The following B4GALNT4 variants were observed in gnomAD, a reference collection of about 807,000 sequenced individuals.
The protein encoded by B4GALNT4 is N-acetyl-beta-glucosaminyl-glycoprotein 4-beta-N-acetylgalactosaminyltransferase 1.
A neutral mutation model predicts 110.0 loss-of-function variants in B4GALNT4; 77 were observed. That is an observed-to-expected ratio of 0.70 (90% CI 0.58 to 0.85). The LOEUF is 0.85. Among genes scored for constraint, B4GALNT4 ranks in the 40% least tolerant of loss-of-function variants. The probability of loss-of-function intolerance (pLI) is 0.00; values close to 1 mark genes in which losing one functional copy is unlikely to be tolerated. For missense variants in B4GALNT4, 1,575 were observed against 1,506.0 expected, an observed-to-expected ratio of 1.05 and a Z score of -0.76; for synonymous variants, 785 against 655.5, an observed-to-expected ratio of 1.20 and a Z score of -3.02.
Position 376,325 on chromosome 11 carries a change from G to T in B4GALNT4, c.1271G>T (p.Arg424Leu), listed in dbSNP as rs768215487. The T allele has an allele frequency of 6.2e-7, 1 of 1,609,532 alleles. No homozygotes were observed. The highest frequency in any genetic ancestry group is 1.1e-5 in the South Asian group (1 of 90,886). The stretch of plus-strand genomic sequence containing the variant: ...GATGAAGAAGACGAGGTGCAGCGCC[G>T]AGCCTTCCTCTTCCTCAACCCGGAC... ...DEDEEDEVQR[R>L]AFLFLNPDDF... Residue 424 changes from arginine (R) to leucine (L), a missense_variant, in exon 13 of 20, where the codon CGA (arginine) becomes CTA (leucine). Coordinates refer to ENST00000329962, the MANE Select transcript of B4GALNT4 (RefSeq NM_178537.5).
At position 373,412 on chromosome 11, in the gene B4GALNT4, C is replaced by T. The variant is rs777384279; in HGVS notation, c.637-37C>T. 3.7e-6 allele frequency: 4 copies of T among 1,067,522 alleles called. 1 individual carries two copies. Among genetic ancestry groups the T allele is most frequent in the Admixed American group, 1.9e-5 (1 of 53,580 alleles). The allele number at this position is 1,067,522 out of a possible 1,614,324, so 66.1% of individuals were successfully genotyped here. A position where few individuals can be genotyped will look rare whatever the true frequency, so the allele number is the denominator to read the frequency against. ...GTGTCCCCAGGGAGAGAGTGAACCC[C>T]CCCCCCCACCACCACCCCTGCTCTA... On this transcript the variant is annotated intron_variant, in intron 6 of 19. Coordinates refer to ENST00000329962, the MANE Select transcript of B4GALNT4 (RefSeq NM_178537.5).
chr11:370,005 G>GCGCGGGGGGCGCGGGCGGCGCGGGGT lies in B4GALNT4; in HGVS notation c.151+76_151+77insTCGCGGGGGGCGCGGGCGGCGCGGGG, dbSNP rs1846584178. ...GCGGGGGGCGGGGGCGGCGCGGGGG[G>GCGCGGGGGGCGCGGGCGGCGCGGGGT]CGCGGGGGGCGCGGGCGGCGCGGGG... On this transcript the variant is annotated intron_variant, in intron 1 of 19. Transcript: ENST00000329962. 4 of 137,242 alleles carry GCGCGGGGGGCGCGGGCGGCGCGGGGT rather than the reference G, an allele frequency of 2.9e-5. 1 individual carries two copies. Among genetic ancestry groups the GCGCGGGGGGCGCGGGCGGCGCGGGGT allele is most frequent in the Non-Finnish European group, 5.2e-5 (4 of 76,272 alleles). The allele number at this position is 137,242 out of a possible 1,614,324, so 8.5% of individuals were successfully genotyped here.
chr11:379,735 C>T (rs1439630623), intron 15 of B4GALNT4, 34 bp downstream of exon 15: 1 of 1,501,346 alleles, frequency 6.7e-7, no homozygotes, highest in Non-Finnish European at 8.9e-7. Context: ...TCCGGGAGAC[C>T]TCGTGGAAGG....
chr11:380,907 G>A lies in B4GALNT4; in HGVS notation c.2952G>A (p.Glu984=), dbSNP rs1167405241. 1 of 1,613,578 alleles carries A rather than the reference G, an allele frequency of 6.2e-7. No homozygotes were observed. The highest frequency in any genetic ancestry group is 8.5e-7 in the Non-Finnish European group (1 of 1,179,830). The stretch of plus-strand genomic sequence containing the variant: ...GGGTTGGAGGAATGAACACGGAGGA[G>A]TTCCGAGACCAGTGGGGGGGTGAAG... ...FDRVGGMNTE[E]FRDQWGGEDW... Residue 984 remains glutamate, a synonymous_variant, in exon 19 of 20, where the codon GAG becomes GAA. Coordinates refer to ENST00000329962, the MANE Select transcript of B4GALNT4 (RefSeq NM_178537.5).
rs1475431491 is a variant in B4GALNT4 at position 376,705 on chromosome 11, A to C, written c.1582A>C (p.Thr528Pro). 1.9e-5 allele frequency: 27 copies of C among 1,416,778 alleles called. No individual in the cohort carries two copies. The highest frequency in any genetic ancestry group is 2.0e-5 in the Non-Finnish European group (22 of 1,091,052). 87.8% of individuals were successfully genotyped at this position (1,416,778 alleles called of 1,614,324 possible). A position where few individuals can be genotyped will look rare whatever the true frequency, so the allele number is the denominator to read the frequency against. Reference sequence around the variant, plus strand: ...GCAGCCGCCCCCAAAGGTGTACGTGACCAGGGTGCGGCCGGGACAGCGGGC... The same window carrying C: ...GCAGCCGCCCCCAAAGGTGTACGTGCCCAGGGTGCGGCCGGGACAGCGGGC... Reference protein sequence around the residue: ...VEQPPPKVYVTRVRPGQRASP... With the variant: ...VEQPPPKVYVPRVRPGQRASP... The change falls in exon 14 of 20, where the codon ACC (threonine) becomes CCC (proline). Residue 528 changes from threonine to proline, a missense_variant. By Grantham distance (38) the Thr-to-Pro change is conservative. Transcript: ENST00000329962.
At chr11:373,340 T>G (rs1405595154) in intron 6 of B4GALNT4, 49 bp downstream of exon 6, 1 of 1,583,858 alleles carries the variant, frequency 6.3e-7, no homozygotes, top group African/African-American at 1.4e-5. Context: ...TGCAGCTCAG[T>G]CACCTGTGCC....
At chr11:380,989 C>A in intron 19 of B4GALNT4, 38 bp downstream of exon 19, 1 of 1,593,904 alleles carries the variant, frequency 6.3e-7, no homozygotes. Context: ...GACACCCTGA[C>A]CCCTGCGTCC....
rs1590343531 is a variant in B4GALNT4, at chr11:379,990, G to C, written c.2613G>C (p.Glu871Asp). 3 of 1,612,966 alleles carry C rather than the reference G, an allele frequency of 1.9e-6. No homozygotes were observed. The highest frequency in any genetic ancestry group is 1.7e-6 in the Non-Finnish European group (2 of 1,179,806). ...TCGAGAGCGAGGATATGGACGTGGAGCGGGCCCTGCGCGCCGCGCGCCTGC... is the reference window on the plus strand; with the variant it reads ...TCGAGAGCGAGGATATGGACGTGGACCGGGCCCTGCGCGCCGCGCGCCTGC... ...VDFESEDMDV[E>D]RALRAARLPR... The change falls in exon 16 of 20, where the codon GAG (glutamate) becomes GAC (aspartate). Residue 871 changes from glutamate (E) to aspartate (D), a missense_variant. Physicochemically the swap from Glu to Asp is conservative, Grantham distance 45 (BLOSUM62 2). Coordinates refer to ENST00000329962, the MANE Select transcript of B4GALNT4 (RefSeq NM_178537.5).
In B4GALNT4 at chr11:381,946, C is replaced by G. The variant is rs111906788; in HGVS notation, c.*154C>G. On this transcript the variant is annotated 3_prime_UTR_variant, in exon 20 of 20. Coordinates refer to ENST00000329962, the MANE Select transcript of B4GALNT4 (RefSeq NM_178537.5). ...TCTCTGGCCCACTGGGCGTCGTGCC[C>G]CTCCCCGGAGAGGCAGCCTTCACGG... is the stretch of plus-strand genomic sequence containing the variant. 18 of 927,130 alleles carry G rather than the reference C, an allele frequency of 1.9e-5. No homozygotes were observed. The highest frequency in any genetic ancestry group is 2.4e-5 in the Non-Finnish European group (16 of 676,138). The allele number at this position is 927,130 out of a possible 1,614,324, so 57.4% of individuals were successfully genotyped here.
At position 369,956 on chromosome 11, in the gene B4GALNT4, TACGGCGCGG is replaced by T; in HGVS notation, c.151+3_151+11del. ...GCCAGCGCCTGGGCTACGGGCGAGG[TACGGCGCGG>T]GGGGCGCGGGGGGCGCGGGGGGCGG... On this transcript the variant is annotated splice_donor_5th_base_variant and intron_variant, in intron 1 of 19. Coordinates refer to ENST00000329962, the MANE Select transcript of B4GALNT4 (RefSeq NM_178537.5). 2 of 880,254 alleles carry T rather than the reference TACGGCGCGG, an allele frequency of 2.3e-6. No homozygotes were observed. The highest frequency in any genetic ancestry group is 5.2e-5 in the South Asian group (1 of 19,282). 54.5% of individuals were successfully genotyped at this position (880,254 alleles called of 1,614,324 possible).
rs141645053 is a variant in B4GALNT4 at position 372,589 on chromosome 11, A to C, written c.256-73A>C. Reference sequence around the variant, plus strand: ...TACATGTTGGAAGGGGTCTTTGTGAAGGTTTGTCTTGGTGTGTGTGACCTC... The same window carrying C: ...TACATGTTGGAAGGGGTCTTTGTGACGGTTTGTCTTGGTGTGTGTGACCTC... On this transcript the variant is annotated intron_variant, in intron 2 of 19. Coordinates refer to ENST00000329962, the MANE Select transcript of B4GALNT4 (RefSeq NM_178537.5). 2,351 of 1,263,810 alleles carry C rather than the reference A, an allele frequency of 1.9e-3. 33 individuals carry two copies. In the African/African-American group the frequency reaches 0.031, roughly 16 times the overall value. 78.3% of individuals were successfully genotyped at this position (1,263,810 alleles called of 1,614,324 possible).
rs755497830 is a variant in B4GALNT4 at position 372,653 on chromosome 11, C to G, written c.256-9C>G. On this transcript the variant is annotated splice_polypyrimidine_tract_variant and intron_variant, in intron 2 of 19. Transcript: ENST00000329962. ...CAACCCTGACCCTGTTGCCTTTTCT[C>G]TCCTGCAGCCCGAAGGTCGGGACCT... 6.2e-7 allele frequency: 1 copy of G among 1,610,460 alleles called. No individual in the cohort carries two copies. The highest frequency in any genetic ancestry group is 1.7e-5 in the Admixed American group (1 of 59,820).
intron 14 of B4GALNT4, among the ~76,000 whole-genome samples, chr11:377,957 T>A (rs908618181): frequency 1.3e-5 from 2 of 152,230 alleles, no homozygotes; most frequent in Non-Finnish European, 2.9e-5. Context: ...AGAGGCAGTG[T>A]CTGCTGTGCC....
intron 1 of B4GALNT4, 110 bp downstream of exon 1, chr11:370,064 G>A (rs1457456825): frequency 1.3e-4 from 21 of 156,384 alleles, no homozygotes; most frequent in African/African-American, 4.7e-4. Flanking sequence ...GGGCCCCGGG[G>A]CGCGGGCCGG....
At chr11:381,034 C>T (rs1435529212) in intron 19 of B4GALNT4, 83 bp downstream of exon 19, 1 of 1,526,326 alleles carries the variant, frequency 6.6e-7, no homozygotes, top group Admixed American at 2.0e-5. Flanking sequence ...ATTTATGCCC[C>T]CCACGGCGCC....
Position 371,727 on chromosome 11 carries a change from A to T in B4GALNT4, c.152-382A>T, listed in dbSNP as rs368750231. Among the ~76,000 whole-genome samples the T allele has an allele frequency of 3.9e-5, 6 of 152,362 alleles. No individual in the cohort carries two copies. The East Asian group carries it at 1.2e-3, about 29-fold the overall frequency. ...AGCACACAGAGAAAGTGCTGAGGGC[A>T]CAGGGCAGTCCTGGGGTCTTCCTGG... On this transcript the variant is annotated intron_variant, in intron 1 of 19. Coordinates refer to ENST00000329962, the MANE Select transcript of B4GALNT4 (RefSeq NM_178537.5).
chr11:373,537 T>A (rs775793596), intron 7 of B4GALNT4, 21 bp downstream of exon 7: 5 of 1,609,678 alleles, frequency 3.1e-6, no homozygotes, highest in East Asian at 4.5e-5. Context: ...GTGGGGTGCA[T>A]GTGCGTGCAC....
chr11:381,757 C>T lies in B4GALNT4; in HGVS notation c.3085C>T (p.Arg1029Cys), dbSNP rs761296036. ...CTCCAAGAGGGGCATGTGGAGCGTC[C>T]GCAGCAGGAAGGGCTCTCGCACGGG... is the stretch of plus-strand genomic sequence containing the variant. ...YHSKRGMWSV[R>C]SRKGSRTGAS Residue 1029 changes from arginine (R) to cysteine (C), a missense_variant, in exon 20 of 20, where the codon CGC (arginine) becomes TGC (cysteine). Transcript: ENST00000329962. 30 of 1,585,314 alleles carry T rather than the reference C, an allele frequency of 1.9e-5. No homozygotes were observed. Among genetic ancestry groups the T allele is most frequent in the East Asian group, 7.0e-5 (3 of 42,604 alleles).
Position 381,977 on chromosome 11 carries a change from C to A in B4GALNT4, c.*185C>A. 1 of 611,478 alleles carries A rather than the reference C, an allele frequency of 1.6e-6. No homozygotes were observed. The highest frequency in any genetic ancestry group is 2.5e-6 in the Non-Finnish European group (1 of 392,682). The allele number at this position is 611,478 out of a possible 1,614,324, so 37.9% of individuals were successfully genotyped here. A position where few individuals can be genotyped will look rare whatever the true frequency, so the allele number is the denominator to read the frequency against. On this transcript the variant is annotated 3_prime_UTR_variant, in exon 20 of 20. Transcript: ENST00000329962. ...CGGAGAGGCAGCCTTCACGGCGGGT[C>A]AGGGCCTGGCCTTGGTCCCCACTCT...
Sources: allele counts gnomAD v4.1 joint callset (sites outside exome capture counted in the v4.1 genomes callset), GRCh38; gene constraint gnomAD v4.1.1; transcripts MANE v1.5; gene names NCBI Gene and HGNC (gene_info 2026-07-23, HGNC 2026-07-21).